Variants in ARHGAP42 observed in about 807,000 individuals in gnomAD.
ARHGAP42 encodes the protein rho GTPase-activating protein 42.
Under a neutral mutation model 125.0 loss-of-function variants are expected in ARHGAP42, and 63 were observed. The observed-to-expected ratio is 0.50, with a 90% CI of 0.41 to 0.62. The LOEUF (loss-of-function observed/expected upper bound fraction) is 0.62, where lower values mean the gene tolerates loss of function less well. Ranked by LOEUF, ARHGAP42 falls within the 20% of genes least tolerant of loss-of-function variation. The pLI is 0.00. For synonymous variants in ARHGAP42, 339 were observed against 351.0 expected, an observed-to-expected ratio of 0.97 and a Z score of 0.38; for missense variants, 766 against 1,024.2, an observed-to-expected ratio of 0.75 and a Z score of 3.44.
intron 6 of ARHGAP42, among the ~76,000 whole-genome samples, chr11:100,923,520 T>C (rs1867337207): frequency 6.6e-6 from 1 of 151,260 alleles, no homozygotes; most frequent in African/African-American, 2.5e-5. Context: ...TAGAACATTC[T>C]GTAAGATGAC....
chr11:100,885,276 A>G (rs1465769023), intron 4 of ARHGAP42, among the ~76,000 whole-genome samples: 1 of 152,198 alleles, frequency 6.6e-6, no homozygotes, highest in Non-Finnish European at 1.5e-5. Context: ...TCGATTGGGT[A>G]TCTCAATTAG....
chr11:100,725,512 G>T (rs562175615), intron 1 of ARHGAP42, among the ~76,000 whole-genome samples: 1 of 152,022 alleles, frequency 6.6e-6, no homozygotes, highest in Admixed American at 6.5e-5. Context: ...AAGAATTACG[G>T]CTAGGCATGG....
intron 4 of ARHGAP42, among the ~76,000 whole-genome samples, chr11:100,874,496 A>G (rs931239889): frequency 4.6e-5 from 7 of 152,102 alleles, no homozygotes; most frequent in Admixed American, 4.6e-4. Context: ...AGGTGTGGAC[A>G]CCTCGGGCCT....
chr11:100,894,928 C>T (rs749833270), intron 4 of ARHGAP42, among the ~76,000 whole-genome samples: 43 of 152,108 alleles, frequency 2.8e-4, no homozygotes, highest in Non-Finnish European at 5.9e-4. Context: ...CACACAGGGC[C>T]GCAACACCTG....
chr11:100,831,456 A>G (rs1233957972), intron 3 of ARHGAP42, among the ~76,000 whole-genome samples: 1 of 152,216 alleles, frequency 6.6e-6, no homozygotes, highest in African/African-American at 2.4e-5. Flanking sequence ...GTACTAAAAA[A>G]ATTAGTTAAT....
chr11:100,750,103 G>GGATTACATCCA (rs1274596847), intron 1 of ARHGAP42, among the ~76,000 whole-genome samples: 46 of 152,298 alleles, frequency 3.0e-4, no homozygotes, highest in African/African-American at 9.9e-4. Context: ...CCCCCAGAGG[G>GGATTACATCCA]GAATGTAATC....
chr11:100,830,056 A>G lies in ARHGAP42; in HGVS notation c.313-29498A>G, dbSNP rs573044207. 2.0e-5 allele frequency among the ~76,000 whole-genome samples: 3 copies of G among 152,380 alleles called. No homozygotes were observed. The South Asian group carries it at 6.2e-4, about 32-fold the overall frequency. On this transcript the variant is annotated intron_variant, in intron 3 of 23. Coordinates refer to ENST00000298815, the MANE Select transcript of ARHGAP42 (RefSeq NM_152432.4). ...GAATAACAATAAAAGCAATATTAAT[A>G]GGATGTTAGTAAGGGCTCAGAAGTT...
intron 5 of ARHGAP42, among the ~76,000 whole-genome samples, chr11:100,914,307 A>G (rs1159865644): frequency 1.3e-5 from 2 of 152,024 alleles, no homozygotes; most frequent in Admixed American, 6.6e-5. Context: ...TTTTGCTCAC[A>G]TCTACACATC....
chr11:100,991,259 A>C lies in ARHGAP42; in HGVS notation c.*2458A>C, dbSNP rs1858824576. 1 of 152,212 alleles carries C rather than the reference A, an allele frequency of 6.6e-6. No individual in the cohort carries two copies. The highest frequency in any genetic ancestry group is 1.5e-5 in the Non-Finnish European group (1 of 68,038). The allele number at this position is 152,212 out of a possible 1,614,324, so 9.4% of individuals were successfully genotyped here. A position where few individuals can be genotyped will look rare whatever the true frequency, so the allele number is the denominator to read the frequency against. On this transcript the variant is annotated 3_prime_UTR_variant, in exon 24 of 24. Coordinates refer to ENST00000298815, the MANE Select transcript of ARHGAP42 (RefSeq NM_152432.4). ...TTTTCCCTTAAAGTAAGTTTCCTAC[A>C]GATAAGGTATTTATGAGCACTGAGA...
At chr11:100,894,120 T>C (rs1591274210) in intron 4 of ARHGAP42, among the ~76,000 whole-genome samples, 2 of 152,202 alleles carry the variant, frequency 1.3e-5, no homozygotes, top group African/African-American at 4.8e-5. Context: ...AATAAAGTAA[T>C]GGAAAATTTT....
chr11:100,966,780 A>G (rs1326251442), intron 17 of ARHGAP42, among the ~76,000 whole-genome samples: 1 of 152,158 alleles, frequency 6.6e-6, no homozygotes, highest in Non-Finnish European at 1.5e-5. Flanking sequence ...ACAAACACAT[A>G]TTTAAGCCCG....
At chr11:100,872,061 T>TATAA (rs1351489750) in intron 4 of ARHGAP42, among the ~76,000 whole-genome samples, 13 of 152,210 alleles carry the variant, frequency 8.5e-5, no homozygotes, top group Admixed American at 2.0e-4. Flanking sequence ...TTATTCTTAA[T>TATAA]ATAACATTGT....
chr11:100,850,141 A>T (rs1865167388), intron 3 of ARHGAP42, among the ~76,000 whole-genome samples: 1 of 152,210 alleles, frequency 6.6e-6, no homozygotes, highest in Non-Finnish European at 1.5e-5. Flanking sequence ...ACATGGCATC[A>T]GCACAATACT....
intron 3 of ARHGAP42, among the ~76,000 whole-genome samples, chr11:100,848,842 G>A (rs1419578215): frequency 6.6e-6 from 1 of 152,142 alleles, no homozygotes; most frequent in African/African-American, 2.4e-5. Flanking sequence ...AGAGAAGCGA[G>A]CAGTTTTTCA....
intron 1 of ARHGAP42, among the ~76,000 whole-genome samples, chr11:100,764,783 G>A (rs966162487): frequency 6.6e-6 from 1 of 152,174 alleles, no homozygotes; most frequent in African/African-American, 2.4e-5. Context: ...TTACAAGGTA[G>A]GGTCTTGGAT....
intron 1 of ARHGAP42, among the ~76,000 whole-genome samples, chr11:100,741,749 A>G (rs1416487132): frequency 6.6e-6 from 1 of 152,228 alleles, no homozygotes; most frequent in African/African-American, 2.4e-5. Flanking sequence ...GTGAAAGCAG[A>G]AATGAATTTT....
chr11:100,915,934 G>A (rs10895028), intron 5 of ARHGAP42, among the ~76,000 whole-genome samples: 34,462 of 152,116 alleles, frequency 0.23, 4,533 homozygotes, highest in Middle Eastern at 0.36. Flanking sequence ...CTGTGACATG[G>A]CATTAAAAGT....
At chr11:100,807,195 C>CT (rs112552443) in intron 3 of ARHGAP42, among the ~76,000 whole-genome samples, 3,406 of 134,322 alleles carry the variant, frequency 0.025, 132 homozygotes, top group African/African-American at 0.086. Context: ...TATACATTTT[C>CT]TTTTTTTTTT....
chr11:100,842,085 C>T (rs1010855730), intron 3 of ARHGAP42, among the ~76,000 whole-genome samples: 1 of 152,100 alleles, frequency 6.6e-6, no homozygotes, highest in Non-Finnish European at 1.5e-5. Context: ...CAAACTAAGC[C>T]AAAAACATCC....
Sources: allele counts gnomAD v4.1 joint callset (sites outside exome capture counted in the v4.1 genomes callset), GRCh38; gene constraint gnomAD v4.1.1; transcripts MANE v1.5; gene names NCBI Gene and HGNC (gene_info 2026-07-23, HGNC 2026-07-21).